Variants in ACBD6 observed in about 807,000 individuals in gnomAD.
ACBD6 encodes the protein acyl-CoA binding domain containing 6.
In ACBD6, 28 loss-of-function variants were observed where a neutral mutation model predicts 37.2. The ratio of observed to expected loss-of-function variants is 0.75; its 90% confidence interval spans 0.56 to 1.03. The LOEUF is 1.03. ACBD6 is among the 50% of genes least tolerant of loss of function. The pLI, the probability that ACBD6 is intolerant of heterozygous loss-of-function variation, is 0.00. For synonymous variants in ACBD6, 113 were observed against 126.8 expected (o/e 0.89, Z 0.73); for missense variants, 340 against 337.4 (o/e 1.01, Z -0.06).
intron 5 of ACBD6, among the ~76,000 whole-genome samples, chr1:180,402,216 A>C (rs1647401992): frequency 6.6e-6 from 1 of 152,172 alleles, no homozygotes; most frequent in Non-Finnish European, 1.5e-5. Context: ...AATCACCAGA[A>C]ATTACACAAT....
At chr1:180,433,023 A>C (rs1485250945) in intron 3 of ACBD6, among the ~76,000 whole-genome samples, 3 of 152,188 alleles carry the variant, frequency 2.0e-5, no homozygotes, top group Non-Finnish European at 4.4e-5. Flanking sequence ...CATCAAAATA[A>C]TTAAAGAAAA....
chr1:180,456,083 A>G (rs1025905003), intron 3 of ACBD6, among the ~76,000 whole-genome samples: 3 of 152,024 alleles, frequency 2.0e-5, no homozygotes, highest in African/African-American at 7.2e-5. Context: ...GTGGTGACAC[A>G]TGCCTATAGT....
intron 6 of ACBD6, among the ~76,000 whole-genome samples, chr1:180,329,675 T>A (rs1252685905): frequency 2.0e-5 from 3 of 152,206 alleles, no homozygotes; most frequent in African/African-American, 7.2e-5. Context: ...CAATTTTTTT[T>A]AACATTCTAT....
intron 6 of ACBD6, among the ~76,000 whole-genome samples, chr1:180,337,330 G>A (rs1006323429): frequency 2.6e-5 from 4 of 152,120 alleles, no homozygotes; most frequent in African/African-American, 4.8e-5. Context: ...TCATCCCTGG[G>A]ATGCAAGGCT....
chr1:180,347,144 G>C (rs993874647), intron 6 of ACBD6, among the ~76,000 whole-genome samples: 2 of 152,168 alleles, frequency 1.3e-5, no homozygotes, highest in Non-Finnish European at 2.9e-5. Flanking sequence ...GTAGTAAAGA[G>C]CTGTGGGTGA....
intron 6 of ACBD6, among the ~76,000 whole-genome samples, chr1:180,333,417 G>T (rs1297075082): frequency 1.3e-5 from 2 of 152,084 alleles, no homozygotes; most frequent in Non-Finnish European, 2.9e-5. Flanking sequence ...GTATGAAAAA[G>T]GCAAATAATG....
chr1:180,398,564 G>A (rs1654350834), intron 5 of ACBD6, among the ~76,000 whole-genome samples: 1 of 152,128 alleles, frequency 6.6e-6, no homozygotes, highest in East Asian at 1.9e-4. Flanking sequence ...GAGAATGGAT[G>A]ACTAAATATT....
intron 5 of ACBD6, among the ~76,000 whole-genome samples, chr1:180,403,715 A>G (rs1647486279): frequency 6.6e-6 from 1 of 152,222 alleles, no homozygotes; most frequent in African/African-American, 2.4e-5. Flanking sequence ...AAAATGTGGT[A>G]TATGCATACA....
chr1:180,471,651 T>C (rs910904436), intron 3 of ACBD6, among the ~76,000 whole-genome samples: 13 of 152,078 alleles, frequency 8.5e-5, no homozygotes, highest in African/African-American at 3.1e-4. Context: ...TTGTGAGACT[T>C]ATTCAGTATC....
intron 6 of ACBD6, chr1:180,326,529 T>C (rs1477141920): frequency 6.6e-6 from 1 of 152,468 alleles, no homozygotes; most frequent in Non-Finnish European, 1.5e-5. Flanking sequence ...AACAGCCCGC[T>C]TGGCGTTCTA....
intron 4 of ACBD6, among the ~76,000 whole-genome samples, chr1:180,425,566 G>A (rs1471969098): frequency 2.0e-5 from 3 of 152,238 alleles, no homozygotes; most frequent in Middle Eastern, 6.8e-3. Context: ...CCTGTTAAAT[G>A]CATAAAAATC....
chr1:180,432,442 G>T (rs1432067851), intron 3 of ACBD6, among the ~76,000 whole-genome samples: 1 of 151,940 alleles, frequency 6.6e-6, no homozygotes, highest in Non-Finnish European at 1.5e-5. Flanking sequence ...ACGAGTAAAA[G>T]ATCTAAATGG....
intron 5 of ACBD6, among the ~76,000 whole-genome samples, chr1:180,404,344 C>T (rs72714859): frequency 0.045 from 6,836 of 152,092 alleles, 227 homozygotes; most frequent in South Asian, 0.089. Context: ...TTTTTTATCA[C>T]GAGACGGGAT....
chr1:180,306,785 T>G (rs898465086), intron 7 of ACBD6, among the ~76,000 whole-genome samples: 2 of 152,180 alleles, frequency 1.3e-5, no homozygotes, highest in Admixed American at 6.5e-5. Flanking sequence ...AAATATTAAT[T>G]TTTTGCAATC....
At chr1:180,443,552 C>T (rs555533000) in intron 3 of ACBD6, among the ~76,000 whole-genome samples, 2 of 152,262 alleles carry the variant, frequency 1.3e-5, no homozygotes, top group East Asian at 3.9e-4. Context: ...CCCCTCCTTG[C>T]AGCCTGGAAA....
chr1:180,320,402 G>T (rs1206829435), intron 6 of ACBD6, among the ~76,000 whole-genome samples: 1 of 152,206 alleles, frequency 6.6e-6, no homozygotes, highest in Non-Finnish European at 1.5e-5. Flanking sequence ...TTGGGAGGCT[G>T]AGGCAGATGG....
intron 3 of ACBD6, among the ~76,000 whole-genome samples, chr1:180,431,236 T>G (rs930851742): frequency 6.6e-6 from 1 of 152,092 alleles, no homozygotes; most frequent in African/African-American, 2.4e-5. Context: ...AGATAGCATA[T>G]TCTATCTGTT....
intron 5 of ACBD6, among the ~76,000 whole-genome samples, chr1:180,401,295 T>C (rs188467698): frequency 1.8e-4 from 28 of 152,310 alleles, no homozygotes; most frequent in Non-Finnish European, 3.2e-4. Context: ...GATGAATGAC[T>C]CTAAAGTGCT....
chr1:180,340,342 T>A (rs1651931487), intron 6 of ACBD6, among the ~76,000 whole-genome samples: 1 of 152,084 alleles, frequency 6.6e-6, no homozygotes, highest in Non-Finnish European at 1.5e-5. Flanking sequence ...ATGCTGCTGA[T>A]AGGTCAGGTA....
Sources: allele counts gnomAD v4.1 joint callset (sites outside exome capture counted in the v4.1 genomes callset), GRCh38; gene constraint gnomAD v4.1.1; transcripts MANE v1.5; gene names NCBI Gene and HGNC (gene_info 2026-07-23, HGNC 2026-07-21).